The following BCL9 variants were observed in gnomAD, a reference collection of about 807,000 sequenced individuals.
The protein encoded by BCL9 is BCL9 transcription coactivator.
A neutral mutation model predicts 88.5 loss-of-function variants in BCL9; 25 were observed. The observed-to-expected ratio is 0.28, with a 90% confidence interval of 0.21 to 0.39. BCL9 has a LOEUF of 0.39. BCL9 is among the 10% of genes least tolerant of loss of function. The probability of loss-of-function intolerance (pLI) is 1.00; values close to 1 mark genes in which losing one functional copy is unlikely to be tolerated. For synonymous variants in BCL9, 711 were observed against 673.3 expected (o/e 1.06, Z -0.87); for missense variants, 1,817 against 1,877.8 (o/e 0.97, Z 0.60).
chr1:147,567,159 C>T (rs1164914864), intron 1 of BCL9, among the ~76,000 whole-genome samples: 3 of 152,112 alleles, frequency 2.0e-5, no homozygotes, highest in Admixed American at 2.0e-4. Flanking sequence ...AAAAGCAACC[C>T]CTTCCCAACC....
At position 147,548,107 on chromosome 1, in the gene BCL9, C is replaced by G. The variant is rs908640104; in HGVS notation, c.-478+6433C>G. Among the ~76,000 whole-genome samples the G allele has an allele frequency of 5.7e-4, 87 of 152,022 alleles. 1 individual carries two copies. The highest frequency in any genetic ancestry group is 2.6e-4 in the Admixed American group (4 of 15,276). On this transcript the variant is annotated intron_variant, in intron 1 of 9. Coordinates refer to ENST00000234739, the MANE Select transcript of BCL9 (RefSeq NM_004326.4). ...TTGCTCAGAAGAGAAACTTATGAACCTTGGAGTAGCTTTTTATCTGGGATA... is the reference window on the plus strand; with the variant it reads ...TTGCTCAGAAGAGAAACTTATGAACGTTGGAGTAGCTTTTTATCTGGGATA...
At chr1:147,615,503 G>A (rs1292448871) in intron 6 of BCL9, among the ~76,000 whole-genome samples, 1 of 152,140 alleles carries the variant, frequency 6.6e-6, no homozygotes, top group Non-Finnish European at 1.5e-5. Context: ...TTTTGAACTC[G>A]GATTCTCTAT....
chr1:147,603,634 T>A (rs1657511167), intron 1 of BCL9, among the ~76,000 whole-genome samples: 2 of 152,094 alleles, frequency 1.3e-5, no homozygotes, highest in Non-Finnish European at 2.9e-5. Context: ...CCCAAGTAGC[T>A]GGGATTACAG....
intron 1 of BCL9, among the ~76,000 whole-genome samples, chr1:147,569,073 C>A (rs112595942): frequency 4.6e-5 from 7 of 151,688 alleles, no homozygotes; most frequent in African/African-American, 1.7e-4. Flanking sequence ...CAACAGGTAG[C>A]TGGTGGAAGC....
intron 1 of BCL9, among the ~76,000 whole-genome samples, chr1:147,565,305 A>G (rs1553196558): frequency 6.6e-6 from 1 of 152,208 alleles, no homozygotes; most frequent in African/African-American, 2.4e-5. Flanking sequence ...GCAACTCTTC[A>G]ATGGATTCCC....
intron 1 of BCL9, among the ~76,000 whole-genome samples, chr1:147,543,403 C>T (rs587656732): frequency 6.6e-6 from 1 of 152,320 alleles, no homozygotes; most frequent in South Asian, 2.1e-4. Flanking sequence ...AAAGGGCCAG[C>T]CCTGGCTGAG....
At chr1:147,581,151 G>T (rs587640148) in intron 1 of BCL9, among the ~76,000 whole-genome samples, 2 of 152,248 alleles carry the variant, frequency 1.3e-5, no homozygotes, top group African/African-American at 2.4e-5. Flanking sequence ...GTCTTATCTG[G>T]TATGTCTTGT....
In BCL9 at chr1:147,624,555, G is replaced by A. The variant is rs782455076; in HGVS notation, c.3877G>A (p.Gly1293Ser). The A allele has an allele frequency of 5.0e-6, 8 of 1,614,086 alleles. No homozygotes were observed. The South Asian group carries it at 6.6e-5, about 13-fold the overall frequency. ...GGGACTAGCATTACCTGGCATGGGA[G>A]GTCCAGGGCCAGTGGGAACTCCGGA... ...RMGLALPGMG[G>S]PGPVGTPDIP... The change falls in exon 10 of 10, where the codon GGT becomes AGT. Residue 1293 changes from glycine (G) to serine (S), a missense_variant. By Grantham distance (56) the Gly-to-Ser change is moderately conservative. Around this residue, in one of 2 missense-constraint regions of BCL9, gnomAD observed 589 missense variants for 686.2 expected, o/e 0.86. Transcript: ENST00000234739. This position sits in a 1 kb window ranked among gnomAD's most constrained non-coding sequence, Gnocchi z 4.4.
intron 1 of BCL9, among the ~76,000 whole-genome samples, chr1:147,575,719 T>C (rs1195555143): frequency 6.6e-6 from 1 of 152,232 alleles, no homozygotes; most frequent in Admixed American, 6.5e-5. Flanking sequence ...TTCACTATAT[T>C]TATCTACTTA....
chr1:147,553,712 C>T (rs1416822552), intron 1 of BCL9, among the ~76,000 whole-genome samples: 2 of 152,242 alleles, frequency 1.3e-5, no homozygotes, highest in East Asian at 1.9e-4. Context: ...TAAAAAGCAT[C>T]TTAACTGATT....
chr1:147,595,397 T>C (rs1365930481), intron 1 of BCL9, among the ~76,000 whole-genome samples: 4 of 152,182 alleles, frequency 2.6e-5, no homozygotes, highest in African/African-American at 9.7e-5. Context: ...TGGGAAGAGA[T>C]TGATTGTGTG....
chr1:147,595,722 A>C (rs1657016805), intron 1 of BCL9, among the ~76,000 whole-genome samples: 1 of 152,120 alleles, frequency 6.6e-6, no homozygotes, highest in South Asian at 2.1e-4. Flanking sequence ...AATTAGTGGA[A>C]ATTGAGGAAG....
chr1:147,566,769 A>AG (rs1655620770), intron 1 of BCL9, among the ~76,000 whole-genome samples: 1 of 151,230 alleles, frequency 6.6e-6, no homozygotes, highest in East Asian at 1.9e-4. Context: ...AAAAAAAGAA[A>AG]AAAAAAGAAA....
chr1:147,579,847 G>A (rs1158176920), intron 1 of BCL9, among the ~76,000 whole-genome samples: 1 of 152,156 alleles, frequency 6.6e-6, no homozygotes, highest in East Asian at 1.9e-4. Flanking sequence ...CAGTTAGGAG[G>A]CAGCAAGCAG....
chr1:147,616,975 CAATA>C (rs1658313810), intron 7 of BCL9, among the ~76,000 whole-genome samples: 1 of 152,114 alleles, frequency 6.6e-6, no homozygotes, highest in African/African-American at 2.4e-5. Context: ...AGTTAATTGA[CAATA>C]AATGATCAAA....
At chr1:147,594,072 T>C (rs1553200231) in intron 1 of BCL9, among the ~76,000 whole-genome samples, 2 of 152,224 alleles carry the variant, frequency 1.3e-5, no homozygotes, top group Non-Finnish European at 2.9e-5. Context: ...TTAAGGTAGA[T>C]AGAGGGGCCC....
At chr1:147,584,072 AGTTTCACTCTT>A (rs1218060397) in intron 1 of BCL9, among the ~76,000 whole-genome samples, 1 of 139,534 alleles carries the variant, frequency 7.2e-6, no homozygotes, top group Non-Finnish European at 1.5e-5. Flanking sequence ...TTTGAGATGG[AGTTTCACTCTT>A]GTTGCCCAGG....
chr1:147,605,831 A>G (rs1657671462), intron 2 of BCL9, among the ~76,000 whole-genome samples: 2 of 152,218 alleles, frequency 1.3e-5, no homozygotes, highest in African/African-American at 4.8e-5. Flanking sequence ...TTTATGGAGT[A>G]GTGGTCATAG....
chr1:147,544,706 A>G (rs1461510340), intron 1 of BCL9, among the ~76,000 whole-genome samples: 3 of 152,140 alleles, frequency 2.0e-5, no homozygotes, highest in African/African-American at 7.2e-5. Flanking sequence ...CCCTCCCAGC[A>G]AGGACACATA....
Sources: gnomAD v4.1 joint callset for allele counts (sites outside exome capture counted in the v4.1 genomes callset) on GRCh38, gnomAD v4.1.1 for gene constraint, gnomAD v4.1.1 regional missense constraint, Gnocchi (gnomAD v3.1) non-coding constraint, MANE v1.5 for transcripts, NCBI Gene and HGNC (gene_info 2026-07-23, HGNC 2026-07-21) for gene names.